NEURL1: variants seen among roughly 807,000 people sequenced by gnomAD.
The protein encoded by NEURL1 is neuralized E3 ubiquitin protein ligase 1, also known as E3 ubiquitin-protein ligase NEURL1.
Under a neutral mutation model 41.2 loss-of-function variants are expected in NEURL1, and 26 were observed. That is an observed-to-expected ratio of 0.63 (90% CI 0.46 to 0.87). The LOEUF (loss-of-function observed/expected upper bound fraction) is 0.87, where lower values mean the gene tolerates loss of function less well. Among genes scored for constraint, NEURL1 ranks in the 40% least tolerant of loss-of-function variants. NEURL1 has a pLI of 0.00. For synonymous variants in NEURL1, 400 were observed against 402.3 expected (o/e 0.99, Z 0.07); for missense variants, 761 against 871.1 (o/e 0.87, Z 1.59).
At chr10:103,513,718 C>T (rs951475759) in intron 1 of NEURL1, among the ~76,000 whole-genome samples, 1 of 150,986 alleles carries the variant, frequency 6.6e-6, no homozygotes, top group Admixed American at 6.6e-5. Context: ...GTTCTCAGAC[C>T]TCTATACTGT....
intron 4 of NEURL1, among the ~76,000 whole-genome samples, chr10:103,588,130 C>T (rs1021657503): frequency 6.6e-6 from 1 of 151,874 alleles, no homozygotes; most frequent in African/African-American, 2.4e-5. Context: ...TGATGAAACC[C>T]CGTTTCTACT....
Position 103,556,629 on chromosome 10 carries a change from G to A in NEURL1, c.86-14243G>A, listed in dbSNP as rs1174950285. Among the ~76,000 whole-genome samples the A allele has an allele frequency of 6.6e-6, 1 of 152,222 alleles. No homozygotes were observed. The highest frequency in any genetic ancestry group is 2.4e-5 in the African/African-American group (1 of 41,462). Reference sequence around the variant, plus strand: ...AAAAAGAAAAAAGACAGGGAAAGATGTAGGAAAAGCAAATCATTGGCTCTC... The same window carrying A: ...AAAAAGAAAAAAGACAGGGAAAGATATAGGAAAAGCAAATCATTGGCTCTC... On this transcript the variant is annotated intron_variant, in intron 1 of 5. Transcript: ENST00000369780. The surrounding 1 kb of genome is among the most constrained non-coding windows in gnomAD (Gnocchi z 4.4).
rs2036036603 is a variant in NEURL1, at chr10:103,591,161, A to T, written c.*789A>T. 1 of 152,862 alleles carries T rather than the reference A, an allele frequency of 6.5e-6. No individual in the cohort carries two copies. Among genetic ancestry groups the T allele is most frequent in the Non-Finnish European group, 1.5e-5 (1 of 68,208 alleles). The allele number at this position is 152,862 out of a possible 1,614,324, so 9.5% of individuals were successfully genotyped here. A position where few individuals can be genotyped will look rare whatever the true frequency, so the allele number is the denominator to read the frequency against. The stretch of plus-strand genomic sequence containing the variant: ...CTTCCTGCCCCAATCATCTCGCTGG[A>T]TGCCATTGCCCAGGGGTAGCCCTTC... On this transcript the variant is annotated 3_prime_UTR_variant, in exon 6 of 6. Transcript: ENST00000369780.
At chr10:103,555,538 CTGGGGCTGTGTGGGGGCACCTTTTGG>C (rs1427057952) in intron 1 of NEURL1, 2 of 788,400 alleles carry the variant, frequency 2.5e-6, no homozygotes, top group African/African-American at 3.8e-5. Context: ...ATGGAGGGGT[CTGGGGCTGTGTGGGGGCACCTTTTGG>C]TGGTGGGCAC....
At chr10:103,519,844 C>T (rs1001656408) in intron 1 of NEURL1, among the ~76,000 whole-genome samples, 1 of 150,962 alleles carries the variant, frequency 6.6e-6, no homozygotes, top group African/African-American at 2.4e-5. Context: ...AGTACAGTGG[C>T]GTGATAATGG....
At chr10:103,548,072 C>T (rs879367789) in intron 1 of NEURL1, among the ~76,000 whole-genome samples, 1 of 152,162 alleles carries the variant, frequency 6.6e-6, no homozygotes, top group Non-Finnish European at 1.5e-5. Context: ...GGGACAAAGG[C>T]TAGCTTCCAG....
chr10:103,505,001 G>T (rs931544315), intron 1 of NEURL1, among the ~76,000 whole-genome samples: 1 of 151,340 alleles, frequency 6.6e-6, no homozygotes, highest in Admixed American at 6.6e-5. Context: ...GCCACTGGCC[G>T]CTCCAAATGC....
chr10:103,494,291 GGCGCGCACCCGC>G lies in NEURL1; in HGVS notation c.-88_-77del, dbSNP rs2033625962. 2.1e-6 allele frequency: 2 copies of G among 974,854 alleles called. No individual in the cohort carries two copies. Among genetic ancestry groups the G allele is most frequent in the Admixed American group, 3.0e-5 (1 of 32,884 alleles). The allele number at this position is 974,854 out of a possible 1,614,324, so 60.4% of individuals were successfully genotyped here. On this transcript the variant is annotated 5_prime_UTR_variant, in exon 1 of 6. Transcript: ENST00000369780. The stretch of plus-strand genomic sequence containing the variant: ...AGCCCCAGCAGGGCCCTCCCCCGGT[GGCGCGCACCCGC>G]GCGCGCACACTCGCACACCGCACCT...
At chr10:103,581,450 T>C (rs751269971) in intron 3 of NEURL1, among the ~76,000 whole-genome samples, 2 of 152,198 alleles carry the variant, frequency 1.3e-5, no homozygotes, top group Non-Finnish European at 2.9e-5. Context: ...GATACAGATT[T>C]TATGTAAATC....
At chr10:103,551,013 G>A (rs12414184) in intron 1 of NEURL1, 1 of 151,898 alleles carries the variant, frequency 6.6e-6, no homozygotes, top group Non-Finnish European at 1.5e-5. Context: ...CTTTCACATC[G>A]TTTCCAAAGT....
rs924372899 is a variant in NEURL1, at chr10:103,556,853, C to T, written c.86-14019C>T. ...TCTTCTCAGGGCTTGCTGGCCCCGGCGGGGCCTGTTGGCAGAGGGTCTGGA... is the reference window on the plus strand; with the variant it reads ...TCTTCTCAGGGCTTGCTGGCCCCGGTGGGGCCTGTTGGCAGAGGGTCTGGA... On this transcript the variant is annotated intron_variant, in intron 1 of 5. Transcript: ENST00000369780. The surrounding 1 kb of genome is among the most constrained non-coding windows in gnomAD (Gnocchi z 4.4). Among the ~76,000 whole-genome samples, 6 of 152,132 alleles carry T rather than the reference C, an allele frequency of 3.9e-5. No individual in the cohort carries two copies. Among genetic ancestry groups the T allele is most frequent in the East Asian group, 1.9e-4 (1 of 5,182 alleles).
At chr10:103,571,249 C>A in intron 2 of NEURL1, 136 bp downstream of exon 2, 1 of 959,526 alleles carries the variant, frequency 1.0e-6, no homozygotes, top group Non-Finnish European at 1.6e-6. Context: ...TGCCTTTCCT[C>A]TCTGGTGACC....
chr10:103,573,461 A>G (rs1435799311), intron 3 of NEURL1, among the ~76,000 whole-genome samples: 1 of 152,140 alleles, frequency 6.6e-6, no homozygotes, highest in Admixed American at 6.5e-5. Flanking sequence ...GCTGATGCAC[A>G]GTAGGGGGTC....
chr10:103,564,344 C>T (rs951146645), intron 1 of NEURL1, among the ~76,000 whole-genome samples: 1 of 152,152 alleles, frequency 6.6e-6, no homozygotes, highest in Non-Finnish European at 1.5e-5. Context: ...ACTTGAGGGC[C>T]CTCCCTGGGA....
intron 1 of NEURL1, among the ~76,000 whole-genome samples, chr10:103,568,368 T>C (rs2035468898): frequency 6.6e-6 from 1 of 152,076 alleles, no homozygotes; most frequent in African/African-American, 2.4e-5. Flanking sequence ...GTGTTTTCTG[T>C]GCCGTTACCC....
In NEURL1 at chr10:103,508,153, T is replaced by C. The variant is rs896363541; in HGVS notation, c.85+13681T>C. Among the ~76,000 whole-genome samples the C allele has an allele frequency of 6.6e-6, 1 of 152,224 alleles. No individual in the cohort carries two copies. The highest frequency in any genetic ancestry group is 1.5e-5 in the Non-Finnish European group (1 of 68,036). On this transcript the variant is annotated intron_variant, in intron 1 of 5. Coordinates refer to ENST00000369780, the MANE Select transcript of NEURL1 (RefSeq NM_004210.5). The surrounding 1 kb of genome is among the most constrained non-coding windows in gnomAD (Gnocchi z 4.3). ...AAGTGGGGAGAGGAGGAAACGCCTG[T>C]TTGTCTCCGCCCCTGGGCTTGGGGA...
At chr10:103,537,773 G>A (rs530482412) in intron 1 of NEURL1, among the ~76,000 whole-genome samples, 2 of 152,266 alleles carry the variant, frequency 1.3e-5, no homozygotes, top group African/African-American at 4.8e-5. Context: ...TATTTAAAAT[G>A]CACAGTTGAT....
chr10:103,526,196 T>G (rs1468475358), intron 1 of NEURL1, among the ~76,000 whole-genome samples: 1 of 118,862 alleles, frequency 8.4e-6, no homozygotes, highest in Non-Finnish European at 1.8e-5. Context: ...CCTGTAGCTT[T>G]CTTTTTTTTG....
At chr10:103,494,495 G>C (rs748410820) in intron 1 of NEURL1, 23 bp downstream of exon 1, 3 of 1,528,904 alleles carry the variant, frequency 2.0e-6, no homozygotes, top group Middle Eastern at 1.7e-4. Flanking sequence ...GCCGAGCGCT[G>C]CTGGAGGACT....
Sources: gnomAD v4.1 joint callset for allele counts (sites outside exome capture counted in the v4.1 genomes callset) on GRCh38, gnomAD v4.1.1 for gene constraint, Gnocchi (gnomAD v3.1) non-coding constraint, MANE v1.5 for transcripts, NCBI Gene and HGNC (gene_info 2026-07-23, HGNC 2026-07-21) for gene names.